GAD2: variants seen among roughly 807,000 people sequenced by gnomAD.
GAD2 encodes glutamate decarboxylase 2.
Under a neutral mutation model 80.1 loss-of-function variants are expected in GAD2, and 22 were observed. The observed-to-expected ratio is 0.27, with a 90% confidence interval of 0.20 to 0.39. The LOEUF is 0.39. Among genes scored for constraint, GAD2 ranks in the 10% least tolerant of loss-of-function variants. The pLI, the probability that GAD2 is intolerant of heterozygous loss-of-function variation, is 1.00. For missense variants in GAD2, 624 were observed against 738.4 expected (o/e 0.85, Z 1.80); for synonymous variants, 274 against 256.9 (o/e 1.07, Z -0.64).
chr10:26,237,009 C>G (rs59914979), intron 7 of GAD2, among the ~76,000 whole-genome samples: 30,413 of 152,216 alleles, frequency 0.2, 5,346 homozygotes, highest in African/African-American at 0.48. Flanking sequence ...AGAGGCAAAG[C>G]TGTGAGGTGC....
At position 26,225,569 on chromosome 10, in the gene GAD2, G is replaced by A. The variant is rs529132056; in HGVS notation, c.724+918G>A. On this transcript the variant is annotated intron_variant, in intron 6 of 15. Transcript: ENST00000376261. ...TGTCGTTGTGTCAGACAGAGCAAAG[G>A]CCAAGTGGTTGTGCTCTCTCTTCAG... Among the ~76,000 whole-genome samples, 6 of 152,218 alleles carry A rather than the reference G, an allele frequency of 3.9e-5. No homozygotes were observed. In the East Asian group the frequency reaches 1.2e-3, roughly 29 times the overall value.
At chr10:26,278,725 T>C in intron 11 of GAD2, among the ~76,000 whole-genome samples, 1 of 152,106 alleles carries the variant, frequency 6.6e-6, no homozygotes, top group Middle Eastern at 3.2e-3. Context: ...ATGAACTGCC[T>C]TTGCTTCTAG....
intron 8 of GAD2, among the ~76,000 whole-genome samples, chr10:26,255,322 G>A (rs545393729): frequency 4.6e-5 from 7 of 152,178 alleles, no homozygotes; most frequent in Non-Finnish European, 7.3e-5. Flanking sequence ...CTAAGGAGGC[G>A]GCTGATGAGT....
At chr10:26,250,456 AG>A (rs560821332) in intron 8 of GAD2, among the ~76,000 whole-genome samples, 131 of 152,304 alleles carry the variant, frequency 8.6e-4, no homozygotes, top group African/African-American at 3.0e-3. Flanking sequence ...CTGGGCAGCT[AG>A]GGCTCGGGGC....
chr10:26,268,762 A>G (rs1201851993), intron 8 of GAD2, among the ~76,000 whole-genome samples: 1 of 152,218 alleles, frequency 6.6e-6, no homozygotes, highest in Non-Finnish European at 1.5e-5. Flanking sequence ...TTGGAATAAA[A>G]AGGTTTCTCT....
rs1834335446 is a variant in GAD2 at position 26,302,166 on chromosome 10, A to C, written c.*1205A>C. On this transcript the variant is annotated 3_prime_UTR_variant, in exon 16 of 16. Transcript: ENST00000376261. ...AAATTTACCTCCAGGCCAGTTGCGC[A>C]TTTCCATCCCCTCCCCATTCCTCCC... 1 of 151,924 alleles carries C rather than the reference A, an allele frequency of 6.6e-6. No individual in the cohort carries two copies. The allele number at this position is 151,924 out of a possible 1,614,324, so 9.4% of individuals were successfully genotyped here.
intron 11 of GAD2, among the ~76,000 whole-genome samples, chr10:26,276,523 A>G (rs1845209187): frequency 6.6e-6 from 1 of 152,142 alleles, no homozygotes; most frequent in African/African-American, 2.4e-5. Flanking sequence ...CTGGGGTTAC[A>G]GGTATGCGCC....
At chr10:26,238,005 GACACACACACACAC>G (rs58551669) in intron 7 of GAD2, among the ~76,000 whole-genome samples, 43 of 118,284 alleles carry the variant, frequency 3.6e-4, no homozygotes, top group South Asian at 5.1e-4. Flanking sequence ...CCATCACACA[GACACACACACACAC>G]ACACACACAC....
At chr10:26,236,475 A>G (rs907548153) in intron 7 of GAD2, among the ~76,000 whole-genome samples, 1 of 151,836 alleles carries the variant, frequency 6.6e-6, no homozygotes, top group Non-Finnish European at 1.5e-5. Context: ...TAAGTTCTGT[A>G]TTTTTAGTAG....
intron 13 of GAD2, among the ~76,000 whole-genome samples, chr10:26,287,553 A>T (rs1021706819): frequency 6.6e-6 from 1 of 152,248 alleles, no homozygotes; most frequent in Non-Finnish European, 1.5e-5. Flanking sequence ...TACAAAGATC[A>T]ATAACAAGGG....
Position 26,281,105 on chromosome 10 carries a change from C to T in GAD2, c.1236+18C>T. ...GAGAAGAGGTATGTCTCTCTTGACT[C>T]TGTGTCCCAGTCCGTGCGTGGGCTT... On this transcript the variant is annotated intron_variant, in intron 12 of 15. Coordinates refer to ENST00000376261, the MANE Select transcript of GAD2 (RefSeq NM_001134366.2). The T allele has an allele frequency of 6.3e-7, 1 of 1,584,952 alleles. No homozygotes were observed. Among genetic ancestry groups the T allele is most frequent in the Non-Finnish European group, 8.7e-7 (1 of 1,153,918 alleles).
At chr10:26,265,060 G>A (rs1408017020) in intron 8 of GAD2, among the ~76,000 whole-genome samples, 2 of 152,054 alleles carry the variant, frequency 1.3e-5, no homozygotes, top group East Asian at 3.9e-4. Flanking sequence ...CATGAAACTG[G>A]GACCATGGTC....
intron 8 of GAD2, 113 bp from the exon 9 acceptor site, chr10:26,269,006 G>T: frequency 1.5e-6 from 1 of 655,306 alleles, no homozygotes. Flanking sequence ...TGTTTTCTCC[G>T]AGTATTGTTA....
intron 12 of GAD2, among the ~76,000 whole-genome samples, chr10:26,285,138 C>G (rs1024648910): frequency 6.6e-6 from 1 of 152,174 alleles, no homozygotes; most frequent in African/African-American, 2.4e-5. Flanking sequence ...TGATCTAATA[C>G]AAATACATCG....
intron 8 of GAD2, among the ~76,000 whole-genome samples, chr10:26,268,132 T>C (rs1020900219): frequency 6.6e-6 from 1 of 152,236 alleles, no homozygotes; most frequent in East Asian, 1.9e-4. Flanking sequence ...TGATGCAAAG[T>C]TGGCTATGTT....
At chr10:26,254,272 G>A (rs1260892420) in intron 8 of GAD2, among the ~76,000 whole-genome samples, 1 of 152,118 alleles carries the variant, frequency 6.6e-6, no homozygotes, top group Non-Finnish European at 1.5e-5. Flanking sequence ...CCTGACCTCA[G>A]GTGATCTGCC....
rs143026342 is a variant in GAD2, at chr10:26,272,173, G to C, written c.1092+1417G>C. ...ATCACCAATGTTCTTTATCCTCCCT[G>C]ATTCACAGTGTGAGTCGTTCATTAG... On this transcript the variant is annotated intron_variant, in intron 10 of 15. Coordinates refer to ENST00000376261, the MANE Select transcript of GAD2 (RefSeq NM_001134366.2). 2.9e-4 allele frequency among the ~76,000 whole-genome samples: 44 copies of C among 152,262 alleles called. No homozygotes were observed. In the East Asian group the frequency reaches 8.5e-3, roughly 29 times the overall value.
At chr10:26,275,646 A>C (rs1337131923) in intron 11 of GAD2, among the ~76,000 whole-genome samples, 1 of 152,238 alleles carries the variant, frequency 6.6e-6, no homozygotes, top group Admixed American at 6.5e-5. Flanking sequence ...CATACTTTCT[A>C]AGTGAATACA....
At chr10:26,264,195 T>A (rs1845041366) in intron 8 of GAD2, among the ~76,000 whole-genome samples, 1 of 152,112 alleles carries the variant, frequency 6.6e-6, no homozygotes, top group African/African-American at 2.4e-5. Context: ...ACAAATCCTC[T>A]GAGACAAATA....
Sources: allele counts gnomAD v4.1 joint callset (sites outside exome capture counted in the v4.1 genomes callset), GRCh38; gene constraint gnomAD v4.1.1; transcripts MANE v1.5; gene names NCBI Gene and HGNC (gene_info 2026-07-23, HGNC 2026-07-21).